SEC16B: variants seen among roughly 807,000 people sequenced by gnomAD.
SEC16B encodes SEC16 homolog B, endoplasmic reticulum export factor, also known as protein transport protein Sec16B.
A neutral mutation model predicts 141.8 loss-of-function variants in SEC16B; 115 were observed. That is an observed-to-expected ratio of 0.81 (90% CI 0.70 to 0.95). SEC16B has a LOEUF of 0.95. Among genes scored for constraint, SEC16B ranks in the 40% least tolerant of loss-of-function variants. The pLI is 0.00. For missense variants in SEC16B, 1,291 were observed against 1,312.3 expected, an observed-to-expected ratio of 0.98 and a Z score of 0.25; for synonymous variants, 493 against 492.5, an observed-to-expected ratio of 1.00 and a Z score of -0.01.
In SEC16B at chr1:177,946,423, T is replaced by C; in HGVS notation, c.1772A>G (p.His591Arg). The C allele has an allele frequency of 6.4e-7, 1 of 1,562,994 alleles. No homozygotes were observed. ...TDHLVLLGSSHSQEFLKFATT... is the reference protein window; with the variant it reads ...TDHLVLLGSSRSQEFLKFATT... ...TCCTTTCTCCCAGGTCGCATACCTG[T>C]GGCTGCTGCCCAGCAAGACCAGATG... is the stretch of plus-strand genomic sequence containing the variant. Residue 591 changes from histidine (H) to arginine (R), a missense_variant, in exon 14 of 26, where the codon CAC becomes CGC. Transcript: ENST00000308284.
intron 10 of SEC16B, among the ~76,000 whole-genome samples, chr1:177,957,841 T>TC (rs1380181668): frequency 8.4e-6 from 1 of 119,624 alleles, no homozygotes; most frequent in Non-Finnish European, 1.6e-5. Context: ...CTGATAACCA[T>TC]CCTTCTACTG....
chr1:177,972,317 C>T (rs1477244419), upstream of SEC16B, among the ~76,000 whole-genome samples: 1 of 152,140 alleles, frequency 6.6e-6, no homozygotes, highest in African/African-American at 2.4e-5. Flanking sequence ...TTATCATTTC[C>T]TACCTTCCCA....
intron 13 of SEC16B, 72 bp from the exon 14 acceptor site, chr1:177,946,603 G>T: frequency 8.6e-7 from 1 of 1,166,532 alleles, no homozygotes; most frequent in Non-Finnish European, 1.2e-6. Context: ...GGGTGGGATG[G>T]GAGACAGATG....
chr1:177,969,468 A>G (rs1653808468), intron 1 of SEC16B, among the ~76,000 whole-genome samples: 1 of 152,208 alleles, frequency 6.6e-6, no homozygotes, highest in Admixed American at 6.5e-5. Context: ...CAAATGTCCC[A>G]GACACAGGGA....
At chr1:177,969,159 T>C (rs552130726) in intron 1 of SEC16B, among the ~76,000 whole-genome samples, 1 of 152,298 alleles carries the variant, frequency 6.6e-6, no homozygotes, top group East Asian at 1.9e-4. Context: ...AGTTAACTTG[T>C]TTCCACTACT....
intron 3 of SEC16B, among the ~76,000 whole-genome samples, chr1:177,965,553 C>CTA (rs1653451155): frequency 6.6e-6 from 1 of 152,192 alleles, no homozygotes; most frequent in Admixed American, 6.5e-5. Context: ...TACACTCTTA[C>CTA]TATAGCCCAG....
At chr1:177,951,033 G>GAGGA (rs1223890990) in intron 12 of SEC16B, among the ~76,000 whole-genome samples, 3 of 139,292 alleles carry the variant, frequency 2.2e-5, no homozygotes, top group African/African-American at 8.0e-5. Context: ...GGGAGGGAGG[G>GAGGA]AGGAAGGAAG....
intron 1 of SEC16B, among the ~76,000 whole-genome samples, chr1:177,976,996 C>A (rs1654192957): frequency 6.6e-6 from 1 of 152,146 alleles, no homozygotes; most frequent in African/African-American, 2.4e-5. Context: ...GTTTCAGGAA[C>A]AATGCAGGAT....
At position 177,961,531 on chromosome 1, in the gene SEC16B, T is replaced by G. The variant is rs547194060; in HGVS notation, c.787+59A>C. 2.9e-4 allele frequency: 447 copies of G among 1,544,192 alleles called. 4 individuals are homozygous for G. In the South Asian group the frequency reaches 5.2e-3, roughly 18 times the overall value. ...CGTAAGGCTGACTTTCCCAGAGACTTGCCACCCAGCCCTTCCACATCAGAT... is the reference window on the plus strand; with the variant it reads ...CGTAAGGCTGACTTTCCCAGAGACTGGCCACCCAGCCCTTCCACATCAGAT... On this transcript the variant is annotated intron_variant, in intron 6 of 25. Coordinates refer to ENST00000308284, the MANE Select transcript of SEC16B (RefSeq NM_033127.4).
At chr1:177,963,160 G>T (rs1397296214) in intron 5 of SEC16B, among the ~76,000 whole-genome samples, 1 of 151,852 alleles carries the variant, frequency 6.6e-6, no homozygotes, top group Non-Finnish European at 1.5e-5. Context: ...GTAAGGTGCT[G>T]TACATATGTA....
Position 177,958,839 on chromosome 1 carries a change from C to T in SEC16B, c.1134+1G>A, listed in dbSNP as rs776711774. ...TGCTCTCCCACCAGAACAGAACTTACCCCATTCTGGCGACAAAGGAGAACC... is the reference window on the plus strand; with the variant it reads ...TGCTCTCCCACCAGAACAGAACTTATCCCATTCTGGCGACAAAGGAGAACC... On this transcript the variant is annotated splice_donor_variant, in intron 9 of 25. Transcript: ENST00000308284. LOFTEE classifies it high-confidence loss of function. 3 of 1,613,128 alleles carry T rather than the reference C, an allele frequency of 1.9e-6. No homozygotes were observed. The Admixed American group carries it at 5.0e-5, about 27-fold the overall frequency.
At chr1:177,972,383 A>C (rs142193670), upstream of SEC16B, among the ~76,000 whole-genome samples, 268 of 152,216 alleles carry the variant, frequency 1.8e-3, no homozygotes, top group African/African-American at 6.1e-3. Flanking sequence ...ATTCTTCCTG[A>C]TTTCTAAACC....
intron 5 of SEC16B, 25 bp from the exon 6 acceptor site, chr1:177,961,759 C>T (rs945641): frequency 0.76 from 1,220,675 of 1,608,142 alleles, 464,598 homozygotes; most frequent in African/African-American, 0.87. Flanking sequence ...CAAAAACACA[C>T]AGGAAGAAGT....
In SEC16B at chr1:177,936,324, C is replaced by T. The variant is rs754367512; in HGVS notation, c.2545G>A (p.Gly849Ser). The T allele has an allele frequency of 9.3e-6, 15 of 1,611,002 alleles. No homozygotes were observed. The Admixed American group carries it at 2.0e-4, about 22-fold the overall frequency. Residue 849 changes from glycine (G) to serine (S), a missense_variant, in exon 20 of 26, where the codon GGC becomes AGC. This residue lies in a region of SEC16B where 605 missense variants were observed against 614.1 expected (regional missense o/e 0.99). Coordinates refer to ENST00000308284, the MANE Select transcript of SEC16B (RefSeq NM_033127.4). ...VSQETSQPPD[G>S]QEVISKPQTP... ...TGTGGTTTGGAAATGACCTCTTGGC[C>T]ATCAGGAGGCTGGGAAGTTTCTTGA...
chr1:177,957,639 C>T (rs750815161), intron 10 of SEC16B, among the ~76,000 whole-genome samples: 1 of 152,092 alleles, frequency 6.6e-6, no homozygotes, highest in South Asian at 2.1e-4. Flanking sequence ...TCCCCTCAAG[C>T]CTTTATCCTT....
At chr1:177,946,305 G>A (rs779559370) in intron 14 of SEC16B, 115 bp downstream of exon 14, 143 of 806,154 alleles carry the variant, frequency 1.8e-4, no homozygotes, top group Non-Finnish European at 2.6e-4. Flanking sequence ...TAAGGGAGCC[G>A]GCGGTAGCTG....
At chr1:177,979,163 C>T (rs1654299814) in intron 1 of SEC16B, among the ~76,000 whole-genome samples, 2 of 152,072 alleles carry the variant, frequency 1.3e-5, no homozygotes, top group Non-Finnish European at 1.5e-5. Context: ...ATATATTTAA[C>T]ACAAAAATGC....
chr1:177,967,880 C>T lies in SEC16B; in HGVS notation c.102G>A (p.Arg34=). ...CATTGTGCCAAGAGTGAGGGACAGG[C>T]CGATGATGTCCATCTCTCCGAAACC... ...DRGFRRDGHH[R]PVPHSWHNGE... The change falls in exon 2 of 26, where the codon CGG becomes CGA. Residue 34 remains arginine, a synonymous_variant. Coordinates refer to ENST00000308284, the MANE Select transcript of SEC16B (RefSeq NM_033127.4). 1.2e-6 allele frequency: 2 copies of T among 1,613,960 alleles called. No individual in the cohort carries two copies. The highest frequency in any genetic ancestry group is 1.7e-6 in the Non-Finnish European group (2 of 1,179,890).
chr1:177,929,657 T>C lies in SEC16B; in HGVS notation c.*201A>G. 1 of 590,970 alleles carries C rather than the reference T, an allele frequency of 1.7e-6. No individual in the cohort carries two copies. Among genetic ancestry groups the C allele is most frequent in the South Asian group, 2.1e-5 (1 of 48,734 alleles). The allele number at this position is 590,970 out of a possible 1,614,324, so 36.6% of individuals were successfully genotyped here. A position where few individuals can be genotyped will look rare whatever the true frequency, so the allele number is the denominator to read the frequency against. On this transcript the variant is annotated 3_prime_UTR_variant, in exon 26 of 26. Transcript: ENST00000308284. ...CACCTGATGAAATAATTTCCATCAT[T>C]GTGAAGCTAATCTTAAGAGACTGAA...
Sources: gnomAD v4.1 joint callset for allele counts (sites outside exome capture counted in the v4.1 genomes callset) on GRCh38, gnomAD v4.1.1 for gene constraint, gnomAD v4.1.1 regional missense constraint, MANE v1.5 for transcripts, NCBI Gene and HGNC (gene_info 2026-07-23, HGNC 2026-07-21) for gene names.